The following NAE1 variants were observed in gnomAD, a reference collection of about 807,000 sequenced individuals.
NAE1 encodes the protein NEDD8-activating enzyme E1 regulatory subunit.
NAE1 carries 59 observed loss-of-function variants against 88.0 expected under a neutral mutation model. The observed-to-expected ratio is 0.67, with a 90% CI of 0.54 to 0.83. The LOEUF (loss-of-function observed/expected upper bound fraction) is 0.83. NAE1 is among the 40% of genes least tolerant of loss of function. The probability of loss-of-function intolerance (pLI) is 0.00; values close to 1 mark genes in which losing one functional copy is unlikely to be tolerated. For missense variants in NAE1, 554 were observed against 632.8 expected, an observed-to-expected ratio of 0.88 and a Z score of 1.34; for synonymous variants, 186 against 208.9, an observed-to-expected ratio of 0.89 and a Z score of 0.95.
intron 11 of NAE1, among the ~76,000 whole-genome samples, chr16:66,816,312 T>C (rs1189692820): frequency 6.6e-6 from 1 of 151,888 alleles, no homozygotes; most frequent in Non-Finnish European, 1.5e-5. Context: ...ATTACAGGTA[T>C]GTTCACCATG....
intron 8 of NAE1, among the ~76,000 whole-genome samples, chr16:66,818,009 A>T (rs1960115601): frequency 6.6e-6 from 1 of 152,144 alleles, no homozygotes; most frequent in South Asian, 2.1e-4. Flanking sequence ...TTTATGGGGT[A>T]CATGCTTTGA....
At chr16:66,812,463 A>G (rs1959841425) in intron 13 of NAE1, among the ~76,000 whole-genome samples, 1 of 144,450 alleles carries the variant, frequency 6.9e-6, no homozygotes, top group Non-Finnish European at 1.5e-5. Flanking sequence ...GTAATTCTGT[A>G]TTTCCCATTC....
At chr16:66,812,716 T>C (rs1042290326) in intron 13 of NAE1, among the ~76,000 whole-genome samples, 3 of 151,504 alleles carry the variant, frequency 2.0e-5, no homozygotes, top group Non-Finnish European at 4.4e-5. Flanking sequence ...AGACAGGGTT[T>C]CACCATGTTG....
chr16:66,828,094 G>C (rs564093797), intron 1 of NAE1: 1 of 1,583,114 alleles, frequency 6.3e-7, no homozygotes, highest in East Asian at 2.2e-5. Flanking sequence ...GAACCAGATG[G>C]ACCGTAAACG....
chr16:66,812,825 CTTT>C (rs78456292), intron 13 of NAE1, among the ~76,000 whole-genome samples: 5 of 119,816 alleles, frequency 4.2e-5, no homozygotes, highest in South Asian at 2.6e-4. Flanking sequence ...GGCCTAAGTT[CTTT>C]TTTTTTTTTT....
At chr16:66,829,553 C>G (rs564652535) in intron 1 of NAE1, among the ~76,000 whole-genome samples, 1 of 152,306 alleles carries the variant, frequency 6.6e-6, no homozygotes, top group African/African-American at 2.4e-5. Context: ...GTGCCTAAAG[C>G]CTCTACTACA....
chr16:66,804,918 G>T (rs377673429), intron 19 of NAE1, among the ~76,000 whole-genome samples: 1 of 151,992 alleles, frequency 6.6e-6, no homozygotes, highest in African/African-American at 2.4e-5. Flanking sequence ...CAGACTTCTA[G>T]CCTCCAGAAC....
chr16:66,810,541 T>C (rs1959752832), intron 14 of NAE1, 128 bp from the exon 15 acceptor site: 2 of 1,113,480 alleles, frequency 1.8e-6, no homozygotes, highest in Admixed American at 2.2e-5. Context: ...TTTAAAAATA[T>C]CTTGTTTCCT....
rs1441385607 is a variant in NAE1 at position 66,808,990 on chromosome 16, A to G, written c.1236T>C (p.Ile412=). The G allele has an allele frequency of 1.3e-6, 2 of 1,594,482 alleles. No individual in the cohort carries two copies. The highest frequency in any genetic ancestry group is 2.2e-5 in the South Asian group (2 of 89,514). Residue 412 remains isoleucine (I), a splice_region_variant and synonymous_variant, in exon 16 of 20, where the codon ATT becomes ATC. Coordinates refer to ENST00000290810, the MANE Select transcript of NAE1 (RefSeq NM_003905.4). The part of the protein sequence containing the change: ...YGLDTINKDE[I]ISSMDNPDNE... ...GAATCAGAAGGCTATTATACTTACT[A>G]ATTTCATCCTTGTTAATTGTATCCA... is the stretch of plus-strand genomic sequence containing the variant.
At chr16:66,828,498 A>C (rs1385177289) in intron 1 of NAE1, among the ~76,000 whole-genome samples, 2 of 151,804 alleles carry the variant, frequency 1.3e-5, no homozygotes. Flanking sequence ...CTCAAAAAAA[A>C]AAAAAAAAAA....
intron 7 of NAE1, among the ~76,000 whole-genome samples, chr16:66,821,144 T>C (rs1960241369): frequency 6.6e-6 from 1 of 152,048 alleles, no homozygotes; most frequent in African/African-American, 2.4e-5. Flanking sequence ...ATTCCTTAGC[T>C]CTCCACAGCC....
chr16:66,816,653 AT>A lies in NAE1; in HGVS notation c.767del (p.Asn256MetfsTer17). ...LIRQGILKNE[N>X]GAPEDEENFE... ...AATTCTCTTCATCTTCTGGAGCCCC[AT>A]TTTCATTTTTTAGAATTCCTATTGT... On this transcript the variant is annotated frameshift_variant, in exon 11 of 20. Transcript: ENST00000290810. LOFTEE classifies it high-confidence loss of function. 1 of 1,611,418 alleles carries A rather than the reference AT, an allele frequency of 6.2e-7. No individual in the cohort carries two copies. The highest frequency in any genetic ancestry group is 1.1e-5 in the South Asian group (1 of 90,784).
chr16:66,808,349 ATAGT>A (rs1411999223), intron 17 of NAE1, among the ~76,000 whole-genome samples, 168 bp downstream of exon 17: 2 of 152,198 alleles, frequency 1.3e-5, no homozygotes, highest in East Asian at 1.9e-4. Context: ...TATTTTGCAA[ATAGT>A]TAAACTTAAA....
chr16:66,825,604 G>A (rs1028743143), intron 3 of NAE1, among the ~76,000 whole-genome samples: 8 of 151,916 alleles, frequency 5.3e-5, no homozygotes, highest in Admixed American at 5.2e-4. Flanking sequence ...GGAACCCATT[G>A]GCCCATTTAA....
intron 8 of NAE1, among the ~76,000 whole-genome samples, chr16:66,818,117 C>G (rs992068085): frequency 2.0e-5 from 3 of 152,048 alleles, no homozygotes; most frequent in African/African-American, 7.2e-5. Context: ...ACAAATAATC[C>G]AATTAAACTC....
chr16:66,803,098 T>G lies in NAE1; in HGVS notation c.1516A>C (p.Ile506Leu). The G allele has an allele frequency of 1.9e-6, 3 of 1,609,536 alleles. No individual in the cohort carries two copies. The highest frequency in any genetic ancestry group is 2.2e-5 in the East Asian group (1 of 44,804). ...ACAAATTGTTTGGTGATTATTTTGA[T>G]GACCTCTTGAGCAGCAGCTCCTGAA... ...FLGGAAAQEV[I>L]KIITKQFVIF... is the part of the protein sequence containing the mutation. The change falls in exon 20 of 20, where the codon ATC (isoleucine) becomes CTC (leucine). Residue 506 changes from isoleucine to leucine, a missense_variant. Ile to Leu is a conservative substitution (Grantham distance 5). Transcript: ENST00000290810.
intron 4 of NAE1, among the ~76,000 whole-genome samples, chr16:66,823,857 A>G (rs960418173): frequency 2.3e-4 from 35 of 152,100 alleles, no homozygotes; most frequent in African/African-American, 8.5e-4. Context: ...TCAGCCTCCC[A>G]AGTAGGTGGG....
rs1959662169 is a variant in NAE1 at position 66,808,507 on chromosome 16, A to C, written c.1330+14T>G. Reference sequence around the variant, plus strand: ...AGATCTTATTATATCTGGTAATTCAATTGCTATTCTTACCTGGATATCTAC... The same window carrying C: ...AGATCTTATTATATCTGGTAATTCACTTGCTATTCTTACCTGGATATCTAC... On this transcript the variant is annotated intron_variant, in intron 17 of 19. Coordinates refer to ENST00000290810, the MANE Select transcript of NAE1 (RefSeq NM_003905.4). 4 of 1,477,198 alleles carry C rather than the reference A, an allele frequency of 2.7e-6. No homozygotes were observed. Among genetic ancestry groups the C allele is most frequent in the African/African-American group, 1.4e-5 (1 of 71,052 alleles). The allele number at this position is 1,477,198 out of a possible 1,614,324, so 91.5% of individuals were successfully genotyped here. A position where few individuals can be genotyped will look rare whatever the true frequency, so the allele number is the denominator to read the frequency against.
At chr16:66,827,682 A>C (rs1960521759) in intron 1 of NAE1, 1 of 332,946 alleles carries the variant, frequency 3.0e-6, no homozygotes, top group Non-Finnish European at 5.5e-6. Context: ...AAACTGAATT[A>C]TCATCTGAAA....
Sources: gnomAD v4.1 joint callset for allele counts (sites outside exome capture counted in the v4.1 genomes callset) on GRCh38, gnomAD v4.1.1 for gene constraint, MANE v1.5 for transcripts, NCBI Gene and HGNC (gene_info 2026-07-23, HGNC 2026-07-21) for gene names.